Variants in SGCD observed in about 807,000 individuals in gnomAD.
SGCD encodes the protein delta-sarcoglycan.
In SGCD, 18 loss-of-function variants were observed where a neutral mutation model predicts 36.6. That is an observed-to-expected ratio of 0.49 (90% CI 0.34 to 0.73). The LOEUF is 0.73. Ranked by LOEUF, SGCD falls within the 30% of genes least tolerant of loss-of-function variation. SGCD has a pLI of 0.01. For missense variants in SGCD, 387 were observed against 346.7 expected (o/e 1.12, Z -0.92); for synonymous variants, 133 against 130.6 (o/e 1.02, Z -0.12).
At chr5:156,686,643 C>G (rs1418332724) in intron 7 of SGCD, among the ~76,000 whole-genome samples, 1 of 152,180 alleles carries the variant, frequency 6.6e-6, no homozygotes, top group Admixed American at 6.5e-5. Flanking sequence ...TTGTAAGTGT[C>G]TAGGGGACAA....
chr5:156,189,062 T>G (rs775005107), intron 3 of SGCD, among the ~76,000 whole-genome samples: 1 of 152,168 alleles, frequency 6.6e-6, no homozygotes, highest in Non-Finnish European at 1.5e-5. Context: ...CAGTGAATCT[T>G]CAGAGGGCCA....
At chr5:156,382,058 C>G (rs2127748405) in intron 3 of SGCD, among the ~76,000 whole-genome samples, 1 of 152,096 alleles carries the variant, frequency 6.6e-6, no homozygotes, top group Middle Eastern at 3.4e-3. Context: ...ATGGTTTTAT[C>G]CTTATTTTAT....
intron 3 of SGCD, among the ~76,000 whole-genome samples, chr5:156,223,054 A>G (rs1456466660): frequency 3.3e-5 from 5 of 152,136 alleles, no homozygotes; most frequent in South Asian, 2.1e-4. Context: ...AACAGTTATG[A>G]TAAGTATGAA....
chr5:155,753,334 T>TCAAAAAAAAAAAAAAAAA, the SGCD span, among the ~76,000 whole-genome samples: 18 of 135,826 alleles, frequency 1.3e-4, 1 homozygote, highest in African/African-American at 1.8e-4. Context: ...AGACTTTGTC[T>TCAAAAAAAAAAAAAAAAA]AAAAAAAAAA....
chr5:156,584,285 AGGAGGTCTCACTGC>A (rs1243569672), intron 4 of SGCD, among the ~76,000 whole-genome samples: 1 of 152,190 alleles, frequency 6.6e-6, no homozygotes, highest in African/African-American at 2.4e-5. Context: ...CCCGAGTTAG[AGGAGGTCTCACTGC>A]ATGTGATCTC....
intron 3 of SGCD, among the ~76,000 whole-genome samples, chr5:156,248,470 G>T (rs2127659548): frequency 6.6e-6 from 1 of 152,210 alleles, no homozygotes; most frequent in Non-Finnish European, 1.5e-5. Context: ...AGTGAGCTGA[G>T]ATCATGCCAC....
chr5:155,779,274 C>A, the SGCD span, among the ~76,000 whole-genome samples: 1 of 151,952 alleles, frequency 6.6e-6, no homozygotes, highest in African/African-American at 2.4e-5. Context: ...CTCCATCTTA[C>A]AAAAAGTACA....
At chr5:156,027,196 A>G (rs568041699) in intron 1 of SGCD, among the ~76,000 whole-genome samples, 162 of 152,338 alleles carry the variant, frequency 1.1e-3, no homozygotes, top group African/African-American at 3.7e-3. Flanking sequence ...TTCAATCACA[A>G]ACAATCCTTA....
intron 3 of SGCD, among the ~76,000 whole-genome samples, chr5:156,488,969 A>G (rs1190512069): frequency 6.6e-6 from 1 of 152,100 alleles, no homozygotes; most frequent in Non-Finnish European, 1.5e-5. Flanking sequence ...ACTATATGCT[A>G]CCTACGAGAA....
intron 3 of SGCD, among the ~76,000 whole-genome samples, chr5:156,383,299 A>T (rs563331375): frequency 2.6e-5 from 4 of 151,880 alleles, no homozygotes; most frequent in African/African-American, 7.2e-5. Flanking sequence ...AGGTCAGGAG[A>T]TCGAGACCAG....
intron 1 of SGCD, among the ~76,000 whole-genome samples, chr5:155,944,290 A>T (rs1173345060): frequency 6.6e-6 from 1 of 152,186 alleles, no homozygotes; most frequent in African/African-American, 2.4e-5. Context: ...GGGGGGATAA[A>T]AGTAAATGTG....
chr5:156,486,552 T>C (rs1755668166), intron 3 of SGCD, among the ~76,000 whole-genome samples: 1 of 152,104 alleles, frequency 6.6e-6, no homozygotes, highest in African/African-American at 2.4e-5. Context: ...ATCCATGAGC[T>C]AGAAGGTCAC....
chr5:156,342,209 G>A (rs1005487809), intron 2 of SGCD, among the ~76,000 whole-genome samples: 3 of 152,174 alleles, frequency 2.0e-5, no homozygotes, highest in African/African-American at 4.8e-5. Flanking sequence ...TTATAGCTAC[G>A]TTTATGTAAT....
chr5:155,910,568 A>T (rs928661492), intron 1 of SGCD, among the ~76,000 whole-genome samples: 1 of 152,116 alleles, frequency 6.6e-6, no homozygotes, highest in East Asian at 1.9e-4. Context: ...TAGTAAAAAA[A>T]TATCCACAGA....
At chr5:155,833,217 G>A in the SGCD span, among the ~76,000 whole-genome samples, 1 of 151,264 alleles carries the variant, frequency 6.6e-6, no homozygotes, top group Non-Finnish European at 1.5e-5. Flanking sequence ...GTGACACAGA[G>A]AGAATCTCAA....
At chr5:156,111,265 A>G (rs1263930808) in intron 1 of SGCD, among the ~76,000 whole-genome samples, 1 of 152,202 alleles carries the variant, frequency 6.6e-6, no homozygotes, top group East Asian at 1.9e-4. Context: ...AGTAAAAGAA[A>G]TGATGCCAAG....
chr5:156,204,224 G>A (rs1000601980), intron 3 of SGCD, among the ~76,000 whole-genome samples: 1 of 151,984 alleles, frequency 6.6e-6, no homozygotes, highest in African/African-American at 2.4e-5. Context: ...TAAGAGTGAG[G>A]AAATTTTCTC....
intron 3 of SGCD, among the ~76,000 whole-genome samples, chr5:156,464,214 ATATTTTT>A (rs1754621923): frequency 1.6e-5 from 2 of 125,328 alleles, no homozygotes; most frequent in African/African-American, 6.1e-5. Context: ...TTGAATCTAC[ATATTTTT>A]TTTTTTTTTT....
At position 156,602,518 on chromosome 5, in the gene SGCD, C is replaced by T. The variant is rs528332364; in HGVS notation, c.502+7467C>T. 2.7e-4 allele frequency among the ~76,000 whole-genome samples: 41 copies of T among 152,242 alleles called. No homozygotes were observed. The South Asian group carries it at 8.5e-3, about 32-fold the overall frequency. On this transcript the variant is annotated intron_variant, in intron 6 of 8. Transcript: ENST00000337851. ...GTTGAATACAAGTGGTGAGAGTGGG[C>T]ATTCTTGTCCTATTCCTGATATTAG...
Sources: allele counts gnomAD v4.1 joint callset (sites outside exome capture counted in the v4.1 genomes callset), GRCh38; gene constraint gnomAD v4.1.1; transcripts MANE v1.5; gene names NCBI Gene and HGNC (gene_info 2026-07-23, HGNC 2026-07-21).